Variants in NUP205 observed in about 807,000 individuals in gnomAD.
NUP205 encodes the protein nucleoporin 205.
A neutral mutation model predicts 253.8 loss-of-function variants in NUP205; 76 were observed. The ratio of observed to expected loss-of-function variants is 0.30; its 90% CI spans 0.25 to 0.36. The LOEUF (loss-of-function observed/expected upper bound fraction) is 0.36. Among genes scored for constraint, NUP205 ranks in the 10% least tolerant of loss-of-function variants. The pLI is 1.00. For missense variants in NUP205, 2,162 were observed against 2,425.5 expected (o/e 0.89, Z 2.28); for synonymous variants, 832 against 850.1 (o/e 0.98, Z 0.37).
At chr7:135,591,303 A>G (rs1407995403) in intron 10 of NUP205, 147 bp from the exon 11 acceptor site, 5 of 617,526 alleles carry the variant, frequency 8.1e-6, no homozygotes, top group South Asian at 4.2e-5. Context: ...ACAATTTTTC[A>G]TAAATAGAAT....
intron 28 of NUP205, 38 bp downstream of exon 28, chr7:135,618,641 A>T: frequency 6.8e-7 from 1 of 1,463,856 alleles, no homozygotes; most frequent in Non-Finnish European, 9.2e-7. Flanking sequence ...CTGCTGAACG[A>T]ATGTATCATT....
intron 19 of NUP205, among the ~76,000 whole-genome samples, chr7:135,604,828 C>T (rs1045326846): frequency 2.6e-5 from 4 of 152,190 alleles, no homozygotes; most frequent in East Asian, 1.9e-4. Context: ...CTGAATATTT[C>T]GTTGTTGTAA....
chr7:135,599,931 A>G (rs1282090048), intron 15 of NUP205, among the ~76,000 whole-genome samples: 3 of 152,210 alleles, frequency 2.0e-5, no homozygotes, highest in African/African-American at 7.2e-5. Context: ...ATCCATTATT[A>G]TGTGGTAATA....
chr7:135,643,472 ATTC>A lies in NUP205; in HGVS notation c.5559+119_5559+121del, dbSNP rs1794952188. 1.0e-5 allele frequency: 8 copies of A among 764,316 alleles called. No individual in the cohort carries two copies. In the East Asian group the frequency reaches 2.2e-4, roughly 21 times the overall value. The allele number at this position is 764,316 out of a possible 1,614,324, so 47.3% of individuals were successfully genotyped here. On this transcript the variant is annotated intron_variant, in intron 39 of 42. Transcript: ENST00000285968. ...CAGTATGACTGAAGGAATTGGAATG[ATTC>A]TTCTGTGTGATTTGAAGAAGACTCC... is the stretch of plus-strand genomic sequence containing the variant.
intron 30 of NUP205, among the ~76,000 whole-genome samples, chr7:135,621,013 G>A (rs758580406): frequency 1.1e-4 from 17 of 152,212 alleles, no homozygotes; most frequent in Admixed American, 2.6e-4. Context: ...GTTATTCAGA[G>A]TTATTCTGCC....
intron 37 of NUP205, 94 bp from the exon 38 acceptor site, chr7:135,638,463 T>G: frequency 8.7e-7 from 1 of 1,149,370 alleles, no homozygotes; most frequent in South Asian, 1.4e-5. Context: ...TTTTACAAAT[T>G]GATTGATAAC....
At chr7:135,570,095 A>AGAGAGAGAG (rs1805913745) in intron 1 of NUP205, among the ~76,000 whole-genome samples, 1 of 147,100 alleles carries the variant, frequency 6.8e-6, no homozygotes, top group African/African-American at 2.5e-5. Flanking sequence ...AGAGAGAGAG[A>AGAGAGAGAG]AACTGAAGTT....
chr7:135,619,778 TAA>T lies in NUP205; in HGVS notation c.4232-11_4232-10del, dbSNP rs767733186. The T allele has an allele frequency of 2.2e-4, 348 of 1,601,010 alleles. 6 individuals carry two copies. The South Asian group carries it at 3.6e-3, about 17-fold the overall frequency. On this transcript the variant is annotated splice_polypyrimidine_tract_variant and intron_variant, in intron 29 of 42. Coordinates refer to ENST00000285968, the MANE Select transcript of NUP205 (RefSeq NM_015135.3). ...AAAAGATTTTCATTTGACATCTTCC[TAA>T]TCTCCCTAGGTGGTGGATTCCAACG... is the stretch of plus-strand genomic sequence containing the variant.
chr7:135,640,783 A>G (rs994711983), intron 38 of NUP205, among the ~76,000 whole-genome samples: 1 of 152,196 alleles, frequency 6.6e-6, no homozygotes, highest in African/African-American at 2.4e-5. Context: ...GAAACTGGGG[A>G]AGTAGCTACA....
At position 135,602,933 on chromosome 7, in the gene NUP205, C is replaced by G. The variant is rs754140987; in HGVS notation, c.2641C>G (p.Gln881Glu). 1.1e-5 allele frequency: 17 copies of G among 1,613,690 alleles called. No individual in the cohort carries two copies. Among genetic ancestry groups the G allele is most frequent in the East Asian group, 2.2e-5 (1 of 44,856 alleles). The change falls in exon 18 of 43, where the codon CAG becomes GAG. Residue 881 changes from glutamine to glutamate, a missense_variant. This residue lies in a region of NUP205 where 892 missense variants were observed against 957.1 expected (regional missense o/e 0.93). Transcript: ENST00000285968. ...QLALIVCPLE[Q>E]LLQGINPRTK... ...GGCTCTAATAGTCTGTCCTTTAGAA[C>G]AGCTTTTGCAGGGAATTAATCCCAG...
rs1794863232 is a variant in NUP205, at chr7:135,638,669, A to G, written c.5378A>G (p.Asp1793Gly). 3 of 1,613,960 alleles carry G rather than the reference A, an allele frequency of 1.9e-6. No homozygotes were observed. Among genetic ancestry groups the G allele is most frequent in the Non-Finnish European group, 2.5e-6 (3 of 1,180,020 alleles). The stretch of plus-strand genomic sequence containing the variant: ...AGCCTTTCAGAAACAGTTAATAGAG[A>G]TGGACCGCGGCAAGGTGAGCTTAGT... ...TPSLSETVNRDGPRQDTQAPV... is the reference protein window; with the variant it reads ...TPSLSETVNRGGPRQDTQAPV... The change falls in exon 38 of 43, where the codon GAT becomes GGT. Residue 1793 changes from aspartate to glycine, a missense_variant. Asp to Gly is a moderately conservative substitution (Grantham distance 94, BLOSUM62 -1). Coordinates refer to ENST00000285968, the MANE Select transcript of NUP205 (RefSeq NM_015135.3).
intron 40 of NUP205, among the ~76,000 whole-genome samples, 164 bp downstream of exon 40, chr7:135,645,182 C>T (rs555741560): frequency 6.6e-6 from 1 of 152,294 alleles, no homozygotes; most frequent in African/African-American, 2.4e-5. Flanking sequence ...TTGTTCTTAT[C>T]TTTTAGAGTA....
intron 25 of NUP205, 150 bp from the exon 26 acceptor site, chr7:135,616,940 C>A (rs1794373962): frequency 4.6e-6 from 3 of 650,188 alleles, no homozygotes; most frequent in Non-Finnish European, 5.0e-6. Flanking sequence ...GAAATAAAAT[C>A]AAATTTAGAT....
chr7:135,576,487 A>G, intron 4 of NUP205, 73 bp downstream of exon 4: 4 of 1,326,962 alleles, frequency 3.0e-6, no homozygotes, highest in Non-Finnish European at 4.3e-6. Flanking sequence ...CCCTTATTAT[A>G]TACAATCTGA....
chr7:135,625,086 A>T, intron 31 of NUP205, 78 bp from the exon 32 acceptor site: 1 of 1,049,544 alleles, frequency 9.5e-7, no homozygotes, highest in African/African-American at 1.6e-5. Flanking sequence ...TTCATATCTG[A>T]TGTCAGATAA....
chr7:135,567,160 A>G (rs189165271), intron 1 of NUP205, among the ~76,000 whole-genome samples: 5 of 95,352 alleles, frequency 5.2e-5, no homozygotes, highest in African/African-American at 1.9e-4. Flanking sequence ...ATATATATAT[A>G]TATATATATA....
rs1380268175 is a variant in NUP205, at chr7:135,606,883, A to C, written c.3038A>C (p.Lys1013Thr). The change falls in exon 21 of 43, where the codon AAA (lysine) becomes ACA (threonine). Residue 1013 changes from lysine to threonine, a missense_variant. Transcript: ENST00000285968. ...TACCTGTTGGGCTTTGAATTGAAAA[A>C]ACCTGTCAGTACTACAAACCTACAA... Reference protein sequence around the residue: ...ALYLLGFELKKPVSTTNLQDP... With the variant: ...ALYLLGFELKTPVSTTNLQDP... The C allele has an allele frequency of 1.2e-6, 2 of 1,614,038 alleles. No individual in the cohort carries two copies. Among genetic ancestry groups the C allele is most frequent in the South Asian group, 2.2e-5 (2 of 91,074 alleles).
At chr7:135,614,707 G>A (rs1232820315) in intron 23 of NUP205, among the ~76,000 whole-genome samples, 2 of 152,134 alleles carry the variant, frequency 1.3e-5, no homozygotes, top group African/African-American at 4.8e-5. Context: ...ACTAATTATG[G>A]TAGAAAACAG....
intron 28 of NUP205, among the ~76,000 whole-genome samples, 187 bp downstream of exon 28, chr7:135,618,790 G>A (rs1235933457): frequency 5.3e-5 from 8 of 152,176 alleles, no homozygotes; most frequent in Non-Finnish European, 1.0e-4. Context: ...CAGAGTGTGT[G>A]TCTGAGTTAT....
Sources: allele counts gnomAD v4.1 joint callset (sites outside exome capture counted in the v4.1 genomes callset), GRCh38; gene constraint gnomAD v4.1.1; regional missense constraint gnomAD v4.1.1; transcripts MANE v1.5; gene names NCBI Gene and HGNC (gene_info 2026-07-23, HGNC 2026-07-21).